MOK: variants seen among roughly 807,000 people sequenced by gnomAD.
The protein encoded by MOK is MOK protein kinase.
In MOK, 59 loss-of-function variants were observed where a neutral mutation model predicts 54.2. That is an observed-to-expected ratio of 1.09 (90% CI 0.88 to 1.35). The LOEUF (loss-of-function observed/expected upper bound fraction) is 1.35, where lower values mean the gene tolerates loss of function less well. MOK is among the 40% of genes most tolerant of loss of function. The pLI is 0.00. For synonymous variants in MOK, 210 were observed against 202.7 expected (o/e 1.04, Z -0.31); for missense variants, 517 against 526.2 (o/e 0.98, Z 0.17).
chr14:102,221,724 G>A (rs769902624), downstream of MOK, among the ~76,000 whole-genome samples: 5 of 152,206 alleles, frequency 3.3e-5, no homozygotes, highest in African/African-American at 4.8e-5. The surrounding 1 kb of genome is among the most constrained non-coding windows in gnomAD (Gnocchi z 4.8). Context: ...AGCAGGGCGT[G>A]GGCGAGGCTG....
At chr14:102,239,331 C>T (rs1389208882) in intron 7 of MOK, among the ~76,000 whole-genome samples, 1 of 128,754 alleles carries the variant, frequency 7.8e-6, no homozygotes, top group Non-Finnish European at 1.9e-5. Flanking sequence ...AGCCCAAAGG[C>T]ACCCTCCTTC....
chr14:102,227,336 CT>C (rs1294006312), downstream of MOK, among the ~76,000 whole-genome samples: 1 of 151,702 alleles, frequency 6.6e-6, no homozygotes, highest in Non-Finnish European at 1.5e-5. Flanking sequence ...GCCGCCCCCC[CT>C]ACAGCCATCT....
chr14:102,293,701 C>CAAAAAAAAAAAAAAA (rs10598736), intron 1 of MOK, among the ~76,000 whole-genome samples: 20 of 54,608 alleles, frequency 3.7e-4, no homozygotes, highest in East Asian at 9.7e-4. Context: ...AACTCCATCA[C>CAAAAAAAAAAAAAAA]AAAAAAAAAA....
At chr14:102,277,617 C>CAA (rs560243565) in intron 2 of MOK, among the ~76,000 whole-genome samples, 5 of 95,552 alleles carry the variant, frequency 5.2e-5, no homozygotes, top group Middle Eastern at 6.8e-3. Context: ...GACTCCGTCT[C>CAA]AAAAAAAAAA....
intron 4 of MOK, among the ~76,000 whole-genome samples, chr14:102,257,469 T>C (rs778041484): frequency 6.6e-6 from 1 of 152,168 alleles, no homozygotes; most frequent in Non-Finnish European, 1.5e-5. Flanking sequence ...AATCTATCCA[T>C]ATCACAGAGT....
intron 7 of MOK, among the ~76,000 whole-genome samples, chr14:102,250,499 G>C (rs2066441489): frequency 6.6e-6 from 1 of 152,014 alleles, no homozygotes; most frequent in African/African-American, 2.4e-5. Context: ...GGGGAGGTTT[G>C]GCTCACCCCT....
chr14:102,237,317 AAGGGTAT>A (rs1268497498), intron 7 of MOK, among the ~76,000 whole-genome samples: 9 of 152,104 alleles, frequency 5.9e-5, no homozygotes, highest in Admixed American at 5.9e-4. Flanking sequence ...CTCTCCATCA[AAGGGTAT>A]AGAGTCTCCC....
intron 2 of MOK, among the ~76,000 whole-genome samples, chr14:102,276,206 C>T (rs886691016): frequency 4.6e-5 from 7 of 152,234 alleles, no homozygotes; most frequent in Non-Finnish European, 7.4e-5. Context: ...AGCTACAGGC[C>T]GGGCGTGGTG....
chr14:102,278,398 G>T (rs967286465), intron 2 of MOK, among the ~76,000 whole-genome samples: 4 of 151,212 alleles, frequency 2.6e-5, no homozygotes, highest in Admixed American at 2.6e-4. Context: ...AAAAAAAAAG[G>T]CTTTTAGAGA....
At chr14:102,278,867 C>A (rs2069131403) in intron 2 of MOK, among the ~76,000 whole-genome samples, 2 of 152,210 alleles carry the variant, frequency 1.3e-5, no homozygotes, top group South Asian at 4.1e-4. Context: ...GCTCTGCTAA[C>A]TTGTATTATC....
rs560692939 is a variant in MOK at position 102,229,122 on chromosome 14, G to A, written c.*167C>T. ...CCCAGAACATCCTAGGCAGCTGCGC[G>A]GGCCGCGGGTGCGGCAGGGCGCAGG... is the stretch of plus-strand genomic sequence containing the variant. On this transcript the variant is annotated 3_prime_UTR_variant, in exon 12 of 12. Transcript: ENST00000361847. 8 of 644,660 alleles carry A rather than the reference G, an allele frequency of 1.2e-5. No individual in the cohort carries two copies. The East Asian group carries it at 1.4e-4, about 11-fold the overall frequency. 39.9% of individuals were successfully genotyped at this position (644,660 alleles called of 1,614,324 possible). A position where few individuals can be genotyped will look rare whatever the true frequency, so the allele number is the denominator to read the frequency against.
At position 102,245,641 on chromosome 14, in the gene MOK, G is replaced by A. The variant is rs540551628; in HGVS notation, c.590+5171C>T. ...ACTACCTACCCAAATCCTCTACAAC[G>A]GCCCCACCCCTATCTCCCTTCGATG... On this transcript the variant is annotated intron_variant, in intron 7 of 11. Transcript: ENST00000361847. The surrounding 1 kb of genome is among the most constrained non-coding windows in gnomAD (Gnocchi z 4.3). Among the ~76,000 whole-genome samples the A allele has an allele frequency of 1.3e-5, 2 of 151,006 alleles. No individual in the cohort carries two copies. Among genetic ancestry groups the A allele is most frequent in the South Asian group, 2.1e-4 (1 of 4,754 alleles).
Position 102,263,536 on chromosome 14 carries a change from T to C in MOK, c.283+10A>G. 6.4e-7 allele frequency: 1 copy of C among 1,574,020 alleles called. No individual in the cohort carries two copies. The highest frequency in any genetic ancestry group is 8.7e-7 in the Non-Finnish European group (1 of 1,153,856). On this transcript the variant is annotated intron_variant, in intron 4 of 11. Coordinates refer to ENST00000361847, the MANE Select transcript of MOK (RefSeq NM_014226.3). ...GGATCTTAGGTTAGCTTTCAAATTA[T>C]TCTACGTACCTCGTATTAGCTCATA...
chr14:102,294,847 T>A (rs1384997055), intron 1 of MOK, among the ~76,000 whole-genome samples: 1 of 152,206 alleles, frequency 6.6e-6, no homozygotes, highest in Non-Finnish European at 1.5e-5. Context: ...TGTCCCAGGC[T>A]GGCTCGAAAC....
At chr14:102,284,644 T>A (rs2069825541) in intron 1 of MOK, among the ~76,000 whole-genome samples, 1 of 152,152 alleles carries the variant, frequency 6.6e-6, no homozygotes, top group Non-Finnish European at 1.5e-5. Flanking sequence ...GTGAGCCTTC[T>A]CCATTGAACA....
At chr14:102,278,779 A>G (rs2069124709) in intron 2 of MOK, 9 of 450,402 alleles carry the variant, frequency 2.0e-5, no homozygotes, top group South Asian at 1.1e-4. Context: ...AGTACTGTTC[A>G]TGACACCAGA....
rs117096423 is a variant in MOK, at chr14:102,236,587, G to A, written c.591-2798C>T. Among the ~76,000 whole-genome samples the A allele has an allele frequency of 5.9e-5, 9 of 151,844 alleles. No homozygotes were observed. The highest frequency in any genetic ancestry group is 8.8e-5 in the Non-Finnish European group (6 of 67,996). On this transcript the variant is annotated intron_variant, in intron 7 of 11. Transcript: ENST00000361847. The surrounding 1 kb of genome is among the most constrained non-coding windows in gnomAD (Gnocchi z 4.5). Reference sequence around the variant, plus strand: ...TCACCTTTTTCTCCCTCCCTCAACCGGAGTCCCTCCTACTCCTCTATGCGA... The same window carrying A: ...TCACCTTTTTCTCCCTCCCTCAACCAGAGTCCCTCCTACTCCTCTATGCGA...
chr14:102,265,882 G>C lies in MOK; in HGVS notation c.153C>G (p.Ile51Met), dbSNP rs1273822342. The C allele has an allele frequency of 1.2e-6, 2 of 1,613,878 alleles. No individual in the cohort carries two copies. The highest frequency in any genetic ancestry group is 1.7e-5 in the Admixed American group (1 of 59,994). Residue 51 changes from isoleucine (I) to methionine (M), a missense_variant, in exon 3 of 12, where the codon ATC becomes ATG. By Grantham distance (10) the Ile-to-Met change is conservative. Transcript: ENST00000361847. Reference protein sequence around the residue: ...SIEQVNNLREIQALRRLNPHP... With the variant: ...SIEQVNNLREMQALRRLNPHP... Reference sequence around the variant, plus strand: ...GCGGATTCAGGCGCCTCAGTGCTTGGATCTCTCGTAGGTTGTTGACTTGCT... The same window carrying C: ...GCGGATTCAGGCGCCTCAGTGCTTGCATCTCTCGTAGGTTGTTGACTTGCT...
At chr14:102,272,937 C>T (rs1483152467) in intron 2 of MOK, among the ~76,000 whole-genome samples, 1 of 152,080 alleles carries the variant, frequency 6.6e-6, no homozygotes, top group African/African-American at 2.4e-5. Context: ...TCTGGGAGGC[C>T]AAGGTGGGCA....
Sources: allele counts gnomAD v4.1 joint callset (sites outside exome capture counted in the v4.1 genomes callset), GRCh38; gene constraint gnomAD v4.1.1; non-coding constraint Gnocchi (gnomAD v3.1); transcripts MANE v1.5; gene names NCBI Gene and HGNC (gene_info 2026-07-23, HGNC 2026-07-21).